Variants in WDFY2 observed in about 807,000 individuals in gnomAD.
The protein encoded by WDFY2 is WD repeat and FYVE domain-containing protein 2.
A neutral mutation model predicts 56.4 loss-of-function variants in WDFY2; 36 were observed. The observed-to-expected ratio is 0.64, with a 90% CI of 0.49 to 0.84. The LOEUF (loss-of-function observed/expected upper bound fraction) is 0.84. WDFY2 is among the 40% of genes least tolerant of loss of function. WDFY2 has a pLI of 0.00. For missense variants in WDFY2, 444 were observed against 512.2 expected (o/e 0.87, Z 1.29); for synonymous variants, 176 against 183.7 (o/e 0.96, Z 0.34).
chr13:51,680,273 T>G (rs1346337190), intron 3 of WDFY2, among the ~76,000 whole-genome samples: 2 of 152,078 alleles, frequency 1.3e-5, no homozygotes, highest in African/African-American at 4.8e-5. Context: ...GGCTAATGTT[T>G]TGGCTTTTTT....
intron 1 of WDFY2, among the ~76,000 whole-genome samples, chr13:51,599,695 G>A (rs1014501006): frequency 2.0e-5 from 3 of 152,030 alleles, no homozygotes; most frequent in Non-Finnish European, 4.4e-5. Flanking sequence ...TTTGAATAAG[G>A]AGCTTACTTT....
intron 6 of WDFY2, among the ~76,000 whole-genome samples, chr13:51,735,066 A>G (rs922070675): frequency 6.6e-6 from 1 of 152,214 alleles, no homozygotes; most frequent in Admixed American, 6.5e-5. Flanking sequence ...GTTCATCAGG[A>G]AGCCCTGTGT....
intron 1 of WDFY2, among the ~76,000 whole-genome samples, chr13:51,614,979 T>G (rs2138343237): frequency 6.6e-6 from 1 of 152,324 alleles, no homozygotes; most frequent in South Asian, 2.1e-4. Context: ...TAAAGTAAGC[T>G]CAGAGTGCAC....
At chr13:51,593,331 T>G (rs1277707079) in intron 1 of WDFY2, among the ~76,000 whole-genome samples, 1 of 152,202 alleles carries the variant, frequency 6.6e-6, no homozygotes, top group Non-Finnish European at 1.5e-5. Context: ...TCCCTATTGT[T>G]TATTTACATT....
chr13:51,716,553 C>T (rs917111806), intron 4 of WDFY2, among the ~76,000 whole-genome samples: 107 of 150,916 alleles, frequency 7.1e-4, no homozygotes, highest in South Asian at 5.2e-3. Context: ...ATTAGCCGGG[C>T]GTAGTGGCGG....
At chr13:51,628,613 C>G (rs1361830831) in intron 1 of WDFY2, among the ~76,000 whole-genome samples, 5 of 152,098 alleles carry the variant, frequency 3.3e-5, no homozygotes, top group Admixed American at 3.3e-4. Flanking sequence ...CCTAGCGGCA[C>G]CCCCCCTGCT....
At chr13:51,672,210 G>C (rs1955820066) in intron 2 of WDFY2, among the ~76,000 whole-genome samples, 1 of 152,186 alleles carries the variant, frequency 6.6e-6, no homozygotes, top group East Asian at 1.9e-4. Context: ...GGTTCATCTT[G>C]AGTTGATTTT....
chr13:51,721,073 C>T (rs1174189478), intron 5 of WDFY2, among the ~76,000 whole-genome samples: 1 of 152,082 alleles, frequency 6.6e-6, no homozygotes. Flanking sequence ...GTATGTATAT[C>T]ACATCATCAC....
intron 1 of WDFY2, among the ~76,000 whole-genome samples, chr13:51,654,017 AG>A (rs1955458513): frequency 1.3e-5 from 2 of 152,214 alleles, no homozygotes; most frequent in Admixed American, 6.5e-5. Flanking sequence ...GAGTCTACAG[AG>A]GCAGACGCCT....
chr13:51,632,729 A>G (rs986116857), intron 1 of WDFY2, among the ~76,000 whole-genome samples: 1 of 152,232 alleles, frequency 6.6e-6, no homozygotes, highest in Non-Finnish European at 1.5e-5. Flanking sequence ...TGCAATCTTA[A>G]AAATTTTTAA....
chr13:51,648,072 T>C (rs1276608218), intron 1 of WDFY2, among the ~76,000 whole-genome samples: 1 of 152,230 alleles, frequency 6.6e-6, no homozygotes, highest in Non-Finnish European at 1.5e-5. Context: ...TGCTGAGTGC[T>C]GTCCCTGAGG....
At chr13:51,756,525 C>G (rs2138743510) in intron 10 of WDFY2, 63 bp downstream of exon 10, 2 of 1,548,196 alleles carry the variant, frequency 1.3e-6, no homozygotes, top group Non-Finnish European at 8.7e-7. Context: ...GAGCCTTGCA[C>G]TCAGCGCCGC....
At chr13:51,713,041 G>T (rs1292317218) in intron 4 of WDFY2, among the ~76,000 whole-genome samples, 1 of 152,106 alleles carries the variant, frequency 6.6e-6, no homozygotes, top group Non-Finnish European at 1.5e-5. Context: ...TGAATTTTAT[G>T]AAAAATTCAA....
chr13:51,687,430 G>A (rs1035355279), intron 3 of WDFY2, among the ~76,000 whole-genome samples: 19 of 151,998 alleles, frequency 1.3e-4, no homozygotes, highest in African/African-American at 4.1e-4. Context: ...GTGAGGTAGA[G>A]GGAATGGATG....
intron 3 of WDFY2, among the ~76,000 whole-genome samples, chr13:51,692,261 T>C (rs1566131356): frequency 2.0e-5 from 3 of 152,240 alleles, no homozygotes; most frequent in Admixed American, 1.3e-4. Flanking sequence ...AGGGCATCCC[T>C]GTCTTGTGCC....
At chr13:51,713,714 G>A (rs58634617) in intron 4 of WDFY2, among the ~76,000 whole-genome samples, 108 of 152,160 alleles carry the variant, frequency 7.1e-4, no homozygotes, top group Middle Eastern at 3.4e-3. Flanking sequence ...CTGCGTGGTG[G>A]TGTGCGCCTG....
At chr13:51,727,838 T>C (rs1168035288) in intron 6 of WDFY2, 48 bp downstream of exon 6, 3 of 1,548,298 alleles carry the variant, frequency 1.9e-6, no homozygotes, top group African/African-American at 1.4e-5. Flanking sequence ...CAGTGAGATA[T>C]CGCCTGCTGC....
intron 2 of WDFY2, among the ~76,000 whole-genome samples, chr13:51,665,627 T>C (rs770693566): frequency 6.6e-6 from 1 of 152,228 alleles, no homozygotes; most frequent in Admixed American, 6.5e-5. Flanking sequence ...GAGATTTTTC[T>C]TACTCTATCA....
rs544261548 is a variant in WDFY2 at position 51,620,553 on chromosome 13, C to T, written c.137+35729C>T. ...TGTAGTGGCATTATCTCTCCCGTAC[C>T]ACTGTGGGCTCTCAACCCATCCCAG... On this transcript the variant is annotated intron_variant, in intron 1 of 11. Transcript: ENST00000298125. Among the ~76,000 whole-genome samples, 3 of 152,204 alleles carry T rather than the reference C, an allele frequency of 2.0e-5. No individual in the cohort carries two copies. The South Asian group carries it at 6.2e-4, about 32-fold the overall frequency.
Sources: gnomAD v4.1 joint callset for allele counts (sites outside exome capture counted in the v4.1 genomes callset) on GRCh38, gnomAD v4.1.1 for gene constraint, MANE v1.5 for transcripts, NCBI Gene and HGNC (gene_info 2026-07-23, HGNC 2026-07-21) for gene names.